Variants in SCFD2 observed in about 807,000 individuals in gnomAD.
The protein encoded by SCFD2 is sec1 family domain containing 2.
In SCFD2, 54 loss-of-function variants were observed where a neutral mutation model predicts 58.9. The ratio of observed to expected loss-of-function variants is 0.92; its 90% CI spans 0.74 to 1.15. SCFD2 has a LOEUF of 1.15. SCFD2 is among the 50% of genes most tolerant of loss of function. The pLI is 0.00. For synonymous variants in SCFD2, 321 were observed against 335.9 expected (o/e 0.96, Z 0.49); for missense variants, 805 against 836.6 (o/e 0.96, Z 0.47).
intron 4 of SCFD2, among the ~76,000 whole-genome samples, chr4:53,152,409 T>A (rs1360136077): frequency 6.6e-6 from 1 of 152,094 alleles, no homozygotes; most frequent in Non-Finnish European, 1.5e-5. Context: ...TAGGCAAGGA[T>A]GTGGAGCCAC....
chr4:53,183,454 G>A (rs577342368), intron 4 of SCFD2, among the ~76,000 whole-genome samples: 42 of 152,136 alleles, frequency 2.8e-4, no homozygotes, highest in Admixed American at 9.2e-4. Context: ...ACTGAACAAT[G>A]AGAACACATG....
chr4:53,128,566 G>A (rs2148897767), intron 5 of SCFD2, among the ~76,000 whole-genome samples: 1 of 152,248 alleles, frequency 6.6e-6, no homozygotes, highest in East Asian at 1.9e-4. Flanking sequence ...CTCTCGGAGA[G>A]CTGTAAGGTT....
intron 5 of SCFD2, among the ~76,000 whole-genome samples, chr4:52,976,175 A>T (rs1045289722): frequency 7.9e-5 from 12 of 152,102 alleles, no homozygotes; most frequent in Non-Finnish European, 1.2e-4. Context: ...AAGTATATAT[A>T]AAAAAAATTG....
At chr4:53,027,968 C>T (rs758906128) in intron 5 of SCFD2, among the ~76,000 whole-genome samples, 6 of 149,946 alleles carry the variant, frequency 4.0e-5, no homozygotes, top group Non-Finnish European at 7.4e-5. Context: ...TATATGTGGG[C>T]GGGCATGGTG....
At chr4:53,210,194 C>A (rs1176372071) in intron 4 of SCFD2, among the ~76,000 whole-genome samples, 1 of 151,964 alleles carries the variant, frequency 6.6e-6, no homozygotes, top group African/African-American at 2.4e-5. Context: ...AGATTCTGGG[C>A]TCTGAACTGT....
intron 4 of SCFD2, among the ~76,000 whole-genome samples, chr4:53,221,628 A>G (rs1273140759): frequency 6.6e-6 from 1 of 152,214 alleles, no homozygotes; most frequent in Non-Finnish European, 1.5e-5. Context: ...CAATTTTTAG[A>G]ATATGATTGC....
intron 4 of SCFD2, among the ~76,000 whole-genome samples, chr4:53,234,615 TA>T (rs556264011): frequency 2.4e-3 from 358 of 152,324 alleles, no homozygotes; most frequent in African/African-American, 8.0e-3. Context: ...TTGGAAAATT[TA>T]AAAATTTTAA....
At chr4:53,160,978 C>CTCTGTAATG (rs1324959217) in intron 4 of SCFD2, among the ~76,000 whole-genome samples, 1 of 152,062 alleles carries the variant, frequency 6.6e-6, no homozygotes, top group Non-Finnish European at 1.5e-5. Flanking sequence ...TGGAATATTA[C>CTCTGTAATG]ATAACAATGA....
intron 3 of SCFD2, among the ~76,000 whole-genome samples, chr4:53,297,220 C>G (rs1472326011): frequency 4.6e-5 from 7 of 152,120 alleles, no homozygotes; most frequent in African/African-American, 1.7e-4. Flanking sequence ...ATTGATCTGT[C>G]TAATATTGAA....
At chr4:53,265,449 A>C (rs1730955096) in intron 4 of SCFD2, 1 of 152,148 alleles carries the variant, frequency 6.6e-6, no homozygotes, top group Admixed American at 6.5e-5. Context: ...TTTTACTTTT[A>C]TTCTAGATTT....
intron 5 of SCFD2, among the ~76,000 whole-genome samples, chr4:53,087,017 G>A (rs1724326085): frequency 1.3e-5 from 2 of 152,210 alleles, no homozygotes; most frequent in South Asian, 4.2e-4. Context: ...TAGATAGCTG[G>A]AAAAGTATGA....
chr4:52,946,681 T>C (rs936921769), intron 5 of SCFD2, among the ~76,000 whole-genome samples: 2 of 152,214 alleles, frequency 1.3e-5, no homozygotes, highest in African/African-American at 4.8e-5. Context: ...TTTTAATTTC[T>C]AGAAAATCTT....
At chr4:53,032,639 A>C (rs1375906615) in intron 5 of SCFD2, among the ~76,000 whole-genome samples, 2 of 151,534 alleles carry the variant, frequency 1.3e-5, no homozygotes, top group Non-Finnish European at 2.9e-5. Flanking sequence ...AAAAACAAAC[A>C]AAAAACAAAA....
chr4:52,874,073 A>G lies in SCFD2; in HGVS notation c.1963-12T>C. ...GACAGCACGATTACCTAACAACAGG[A>G]GAGGGCAAACACACCGCAGGGAATT... is the stretch of plus-strand genomic sequence containing the variant. On this transcript the variant is annotated splice_polypyrimidine_tract_variant and intron_variant, in intron 8 of 8. Coordinates refer to ENST00000401642, the MANE Select transcript of SCFD2 (RefSeq NM_152540.4). 1 of 1,593,132 alleles carries G rather than the reference A, an allele frequency of 6.3e-7. No individual in the cohort carries two copies. The highest frequency in any genetic ancestry group is 8.6e-7 in the Non-Finnish European group (1 of 1,160,914).
Position 53,352,725 on chromosome 4 carries a change from T to A in SCFD2, c.880A>T (p.Ile294Phe), listed in dbSNP as rs746695395. Residue 294 changes from isoleucine to phenylalanine, a missense_variant, in exon 2 of 9, where the codon ATT (isoleucine) becomes TTT (phenylalanine). Transcript: ENST00000401642. ...CCTGGGAGCTGGGGAAGTGCTGAAA[T>A]GATCTTCTCTACTAAGTTGTCTCCA... ...HHGDNLVEKI[I>F]SALPQLPGHT... 6.2e-7 allele frequency: 1 copy of A among 1,614,132 alleles called. No homozygotes were observed. Among genetic ancestry groups the A allele is most frequent in the Admixed American group, 1.7e-5 (1 of 60,010 alleles).
At chr4:53,199,038 T>G (rs1728146433) in intron 4 of SCFD2, among the ~76,000 whole-genome samples, 1 of 152,094 alleles carries the variant, frequency 6.6e-6, no homozygotes, top group Admixed American at 6.6e-5. Context: ...GTATGTAAAA[T>G]GCTCCCATCT....
chr4:53,124,045 A>G (rs1334257251), intron 5 of SCFD2, among the ~76,000 whole-genome samples: 1 of 152,214 alleles, frequency 6.6e-6, no homozygotes, highest in Non-Finnish European at 1.5e-5. Flanking sequence ...ATGAGTCCAT[A>G]GAAATAGAAT....
At chr4:53,044,760 T>C (rs1253858794) in intron 5 of SCFD2, among the ~76,000 whole-genome samples, 1 of 151,886 alleles carries the variant, frequency 6.6e-6, no homozygotes, top group East Asian at 1.9e-4. Context: ...ATTGGCAGTG[T>C]AGGAAGCAGA....
At chr4:53,014,353 G>C (rs1722163113) in intron 5 of SCFD2, among the ~76,000 whole-genome samples, 1 of 152,180 alleles carries the variant, frequency 6.6e-6, no homozygotes, top group Non-Finnish European at 1.5e-5. Flanking sequence ...ATTATAGTCA[G>C]AGTCTCTGAT....
Sources: allele counts gnomAD v4.1 joint callset (sites outside exome capture counted in the v4.1 genomes callset), GRCh38; gene constraint gnomAD v4.1.1; transcripts MANE v1.5; gene names NCBI Gene and HGNC (gene_info 2026-07-23, HGNC 2026-07-21).